The following PCDH15 variants were observed in gnomAD, a reference collection of about 807,000 sequenced individuals.
PCDH15 encodes protocadherin related 15, also known as protocadherin-15.
PCDH15 carries 129 observed loss-of-function variants against 178.5 expected under a neutral mutation model. The observed-to-expected ratio is 0.72, with a 90% CI of 0.63 to 0.84. The LOEUF is 0.84. Ranked by LOEUF, PCDH15 falls within the 40% of genes least tolerant of loss-of-function variation. The probability of loss-of-function intolerance (pLI) is 0.00; values close to 1 mark genes in which losing one functional copy is unlikely to be tolerated. For missense variants in PCDH15, 2,230 were observed against 2,099.9 expected, an observed-to-expected ratio of 1.06 and a Z score of -1.21; for synonymous variants, 800 against 732.0, an observed-to-expected ratio of 1.09 and a Z score of -1.50.
chr10:55,610,084 C>T (rs148781133), intron 2 of PCDH15, among the ~76,000 whole-genome samples: 54 of 152,148 alleles, frequency 3.5e-4, no homozygotes, highest in Middle Eastern at 3.4e-3. Flanking sequence ...AGCACAACAA[C>T]AACAACAAAA....
At chr10:54,004,395 CTA>C (rs1491512598) in intron 20 of PCDH15, among the ~76,000 whole-genome samples, 4 of 61,244 alleles carry the variant, frequency 6.5e-5, no homozygotes, top group African/African-American at 5.0e-4. Context: ...AACCTAAAGA[CTA>C]CACACACACA....
intron 2 of PCDH15, among the ~76,000 whole-genome samples, chr10:54,976,684 G>A (rs772142376): frequency 6.6e-6 from 1 of 152,208 alleles, no homozygotes; most frequent in Non-Finnish European, 1.5e-5. Context: ...CACCAATCTT[G>A]TGACCTCTGG....
At chr10:55,103,729 C>T (rs530892876) in intron 2 of PCDH15, among the ~76,000 whole-genome samples, 2 of 152,078 alleles carry the variant, frequency 1.3e-5, no homozygotes, top group African/African-American at 4.8e-5. Flanking sequence ...TTTACAGGTC[C>T]TTATGACTCC....
At chr10:55,609,446 A>C (rs772123206) in intron 2 of PCDH15, among the ~76,000 whole-genome samples, 8 of 152,122 alleles carry the variant, frequency 5.3e-5, no homozygotes, top group Non-Finnish European at 1.0e-4. Context: ...AATATGAGAA[A>C]ATTTTTAATA....
chr10:54,067,259 G>C (rs2094153172), intron 17 of PCDH15, among the ~76,000 whole-genome samples: 1 of 152,016 alleles, frequency 6.6e-6, no homozygotes, highest in Non-Finnish European at 1.5e-5. Context: ...TGTAGTTTTT[G>C]CTGCTTGTAT....
At chr10:55,260,993 T>C (rs2132234895) in intron 1 of PCDH15, among the ~76,000 whole-genome samples, 1 of 152,264 alleles carries the variant, frequency 6.6e-6, no homozygotes, top group Admixed American at 6.5e-5. Context: ...TTCTATTGAA[T>C]AGTGATGCTT....
At chr10:53,818,385 T>G (rs2132447285) in intron 33 of PCDH15, 1 of 161,602 alleles carries the variant, frequency 6.2e-6, no homozygotes, top group East Asian at 1.7e-4. Context: ...ATACTAATCC[T>G]TAGGGGAAGA....
intron 3 of PCDH15, among the ~76,000 whole-genome samples, chr10:54,846,396 T>C (rs2131758744): frequency 6.6e-6 from 1 of 152,272 alleles, no homozygotes; most frequent in East Asian, 1.9e-4. Context: ...AATGAATGAA[T>C]GATGAATAAA....
intron 2 of PCDH15, among the ~76,000 whole-genome samples, chr10:55,087,723 T>C (rs1842209249): frequency 6.6e-6 from 1 of 152,086 alleles, no homozygotes; most frequent in African/African-American, 2.4e-5. Flanking sequence ...AATTCTTCAA[T>C]GGCAGAACCA....
Position 55,518,408 on chromosome 10 carries a change from C to T in PCDH15, c.-156+109217G>A, listed in dbSNP as rs116311787. 2.4e-4 allele frequency among the ~76,000 whole-genome samples: 36 copies of T among 152,082 alleles called. No individual in the cohort carries two copies. The East Asian group carries it at 6.4e-3, about 27-fold the overall frequency. On this transcript the variant is annotated intron_variant, in intron 2 of 5. Coordinates refer to the PCDH15 transcript ENST00000613346. ...GAGCACTGTCATCTCAGACAAACAC[C>T]GCCACTTTTAAGTTCCAGCTCCCTT...
intron 18 of PCDH15, among the ~76,000 whole-genome samples, chr10:54,050,731 G>T (rs543871544): frequency 6.6e-6 from 1 of 152,132 alleles, no homozygotes; most frequent in East Asian, 1.9e-4. Flanking sequence ...TCCTCTTAAT[G>T]CTACTTTTGC....
intron 8 of PCDH15, among the ~76,000 whole-genome samples, chr10:54,278,934 A>C (rs149159858): frequency 6.6e-6 from 1 of 151,618 alleles, no homozygotes; most frequent in East Asian, 1.9e-4. Flanking sequence ...AGTTTTCTGC[A>C]CTTACTTGTT....
At chr10:55,364,119 G>T (rs570538996) in intron 2 of PCDH15, among the ~76,000 whole-genome samples, 3 of 151,952 alleles carry the variant, frequency 2.0e-5, no homozygotes, top group Non-Finnish European at 2.9e-5. Flanking sequence ...TCCCCACTCC[G>T]CTTGGCACTG....
chr10:54,238,529 C>T (rs1329644513), intron 8 of PCDH15, among the ~76,000 whole-genome samples: 1 of 151,912 alleles, frequency 6.6e-6, no homozygotes, highest in African/African-American at 2.4e-5. Context: ...CTTACTAATA[C>T]TCTATTCTCT....
intron 2 of PCDH15, among the ~76,000 whole-genome samples, chr10:54,914,374 T>C (rs1954868016): frequency 2.0e-5 from 3 of 152,186 alleles, no homozygotes; most frequent in Non-Finnish European, 4.4e-5. Context: ...CTTCACCTTC[T>C]GCAATGATTG....
chr10:54,761,217 T>C (rs1947834449), intron 1 of PCDH15, among the ~76,000 whole-genome samples: 1 of 152,028 alleles, frequency 6.6e-6, no homozygotes, highest in Admixed American at 6.6e-5. Context: ...CCCCCAAAAA[T>C]AATTTATTTC....
intron 20 of PCDH15, among the ~76,000 whole-genome samples, chr10:54,002,135 T>TACACAC (rs1408777130): frequency 6.6e-6 from 1 of 151,160 alleles, no homozygotes; most frequent in African/African-American, 2.4e-5. Context: ...TGTGTGTATA[T>TACACAC]ATATATACAC....
At chr10:54,105,404 A>ATC (rs1427081594) in intron 15 of PCDH15, among the ~76,000 whole-genome samples, 10 of 150,980 alleles carry the variant, frequency 6.6e-5, no homozygotes, top group African/African-American at 2.4e-4. Flanking sequence ...AGTAGTATTA[A>ATC]CTCACACAAT....
At chr10:54,019,649 TA>T (rs1194483572) in intron 20 of PCDH15, among the ~76,000 whole-genome samples, 1 of 152,112 alleles carries the variant, frequency 6.6e-6, no homozygotes, top group Non-Finnish European at 1.5e-5. Flanking sequence ...CATGGTATTA[TA>T]ATAAATGGGA....
Sources: gnomAD v4.1 joint callset for allele counts (sites outside exome capture counted in the v4.1 genomes callset) on GRCh38, gnomAD v4.1.1 for gene constraint, MANE v1.5 for transcripts, NCBI Gene and HGNC (gene_info 2026-07-23, HGNC 2026-07-21) for gene names.